The following PRDM9 variants were observed in gnomAD, a reference collection of about 807,000 sequenced individuals.
PRDM9 encodes the protein PR/SET domain 9.
Under a neutral mutation model 55.6 loss-of-function variants are expected in PRDM9, and 47 were observed. That is an observed-to-expected ratio of 0.85 (90% CI 0.67 to 1.08). The LOEUF (loss-of-function observed/expected upper bound fraction) is 1.08. Among genes scored for constraint, PRDM9 ranks in the 50% least tolerant of loss-of-function variants. The pLI, the probability that PRDM9 is intolerant of heterozygous loss-of-function variation, is 0.00. For synonymous variants in PRDM9, 312 were observed against 375.7 expected, an observed-to-expected ratio of 0.83 and a Z score of 1.96; for missense variants, 867 against 1,040.3, an observed-to-expected ratio of 0.83 and a Z score of 2.29.
intron 5 of PRDM9, among the ~76,000 whole-genome samples, chr5:23,519,930 A>C (rs920277674): frequency 3.3e-5 from 5 of 151,540 alleles, no homozygotes; most frequent in Non-Finnish European, 7.4e-5. Flanking sequence ...TGTAATCCCA[A>C]CTACTCAGGA....
rs1310243851 is a variant in PRDM9 at position 23,528,079 on chromosome 5, C to T, written c.*306C>T. ...CCTCCTGTTCTAATAAATTTTGTCT[C>T]CATACAAATCTGAACCCCAAGTGTG... On this transcript the variant is annotated 3_prime_UTR_variant, in exon 11 of 11. Transcript: ENST00000296682. 2.3e-5 allele frequency: 11 copies of T among 472,586 alleles called. No individual in the cohort carries two copies. The highest frequency in any genetic ancestry group is 4.2e-5 in the Non-Finnish European group (11 of 259,368). The allele number at this position is 472,586 out of a possible 1,614,324, so 29.3% of individuals were successfully genotyped here. A position where few individuals can be genotyped will look rare whatever the true frequency, so the allele number is the denominator to read the frequency against.
intron 4 of PRDM9, among the ~76,000 whole-genome samples, 153 bp from the exon 5 acceptor site, chr5:23,517,728 A>G (rs757617603): frequency 5.9e-5 from 9 of 152,194 alleles, no homozygotes; most frequent in Non-Finnish European, 1.2e-4. Context: ...GGGAGGTTGC[A>G]GTGAGTGGAG....
At chr5:23,514,639 C>T (rs1045524962) in intron 4 of PRDM9, among the ~76,000 whole-genome samples, 1 of 152,046 alleles carries the variant, frequency 6.6e-6, no homozygotes, top group Non-Finnish European at 1.5e-5. Flanking sequence ...GGGGTTTTAC[C>T]ATGTTGACCA....
intron 5 of PRDM9, among the ~76,000 whole-genome samples, chr5:23,520,318 T>C (rs762484675): frequency 1.4e-5 from 2 of 140,736 alleles, no homozygotes; most frequent in African/African-American, 2.7e-5. Flanking sequence ...TGAGCTGATA[T>C]CGTGCCACTG....
chr5:23,517,747 A>T, intron 4 of PRDM9, 134 bp from the exon 5 acceptor site: 1 of 840,968 alleles, frequency 1.2e-6, no homozygotes, highest in South Asian at 1.4e-5. Context: ...AGATTGAGCC[A>T]CTGCACTCCA....
intron 4 of PRDM9, among the ~76,000 whole-genome samples, chr5:23,513,338 G>A (rs1739137821): frequency 6.6e-6 from 1 of 152,186 alleles, no homozygotes; most frequent in African/African-American, 2.4e-5. Context: ...GGTGAATTAG[G>A]TAATGATAGC....
intron 2 of PRDM9, 34 bp from the exon 3 acceptor site, chr5:23,509,436 G>A: frequency 6.2e-7 from 1 of 1,614,068 alleles, no homozygotes; most frequent in Non-Finnish European, 8.5e-7. Flanking sequence ...ATGTGTACTA[G>A]TAAATCACTG....
At chr5:23,512,112 G>T (rs766584134) in intron 4 of PRDM9, among the ~76,000 whole-genome samples, 1 of 151,810 alleles carries the variant, frequency 6.6e-6, no homozygotes, top group Non-Finnish European at 1.5e-5. Context: ...TTTCTTAGAA[G>T]AAGAAATAAT....
Position 23,526,689 on chromosome 5 carries a change from G to T in PRDM9, c.1601G>T (p.Ser534Ile), listed in dbSNP as rs760449660. 8 of 1,614,268 alleles carry T rather than the reference G, an allele frequency of 5.0e-6. No homozygotes were observed. Among genetic ancestry groups the T allele is most frequent in the Non-Finnish European group, 6.8e-6 (8 of 1,180,054 alleles). The change falls in exon 11 of 11, where the codon AGT (serine) becomes ATT (isoleucine). Residue 534 changes from serine to isoleucine, a missense_variant. Around this residue, in one of 5 missense-constraint regions of PRDM9, gnomAD observed 662 missense variants for 711.9 expected, o/e 0.93. Transcript: ENST00000296682. ...TATGGAGAGTGTGGACAAGGTTTCAGTGTTAAATCAGATGTTATTACACAC... is the reference window on the plus strand; with the variant it reads ...TATGGAGAGTGTGGACAAGGTTTCATTGTTAAATCAGATGTTATTACACAC... ...VKYGECGQGF[S>I]VKSDVITHQR... is the part of the protein sequence containing the mutation.
chr5:23,520,089 G>T lies in PRDM9; in HGVS notation c.352-934G>T, dbSNP rs541048181. 2.7e-5 allele frequency among the ~76,000 whole-genome samples: 4 copies of T among 147,844 alleles called. 1 individual carries two copies. The East Asian group carries it at 8.2e-4, about 30-fold the overall frequency. ...GAATTAGCATGGTCTGATGGTCTGA[G>T]TGTGGGGGCTCATGCCTATAATCCC... On this transcript the variant is annotated intron_variant, in intron 5 of 10. Coordinates refer to ENST00000296682, the MANE Select transcript of PRDM9 (RefSeq NM_020227.4).
At chr5:23,523,620 G>T (rs187091090) in intron 9 of PRDM9, among the ~76,000 whole-genome samples, 2 of 152,198 alleles carry the variant, frequency 1.3e-5, no homozygotes, top group South Asian at 2.1e-4. Context: ...CTAGATTCAC[G>T]GGGGACTCTG....
chr5:23,511,414 C>T (rs1318777475), intron 4 of PRDM9, among the ~76,000 whole-genome samples: 2 of 152,030 alleles, frequency 1.3e-5, no homozygotes, highest in Non-Finnish European at 2.9e-5. Flanking sequence ...GGCACAATAT[C>T]AGCTCACTGC....
rs554907629 is a variant in PRDM9, at chr5:23,522,876, C to T, written c.873C>T (p.Tyr291=). The change falls in exon 8 of 11, where the codon TAC becomes TAT. Residue 291 remains tyrosine (Y), a synonymous_variant. Transcript: ENST00000296682. ...ACGAAGAGGCAGCCAACAATGGATA[C>T]TCCTGGCTGGTAAGAAGAGCCTGCC... ...TEDEEAANNG[Y]SWLITKGRNC... The T allele has an allele frequency of 7.4e-6, 12 of 1,614,142 alleles. No homozygotes were observed. The Admixed American group carries it at 1.7e-4, about 22-fold the overall frequency.
intron 8 of PRDM9, 144 bp from the exon 9 acceptor site, chr5:23,523,147 G>C (rs573202541): frequency 2.7e-6 from 3 of 1,114,506 alleles, no homozygotes; most frequent in Admixed American, 1.9e-5. Flanking sequence ...TGTGTAGATA[G>C]ATGATGACTA....
At chr5:23,516,186 G>A (rs927328645) in intron 4 of PRDM9, among the ~76,000 whole-genome samples, 5 of 151,968 alleles carry the variant, frequency 3.3e-5, no homozygotes, top group African/African-American at 4.8e-5. Context: ...AATTTCTGTC[G>A]GCACCGTTTT....
In PRDM9 at chr5:23,522,315, A is replaced by G; in HGVS notation, c.520A>G (p.Lys174Glu). Residue 174 changes from lysine (K) to glutamate (E), a missense_variant, in exon 7 of 11, where the codon AAG becomes GAG. This residue lies in a region of PRDM9 where 662 missense variants were observed against 711.9 expected (regional missense o/e 0.93). Transcript: ENST00000296682. ...CTTCTCCAACCTAGAACTCAGGAAG[A>G]AGGAGACTGAAAGAAAGATGTATAG... ...HSRLKLELRK[K>E]ETERKMYSLR... The G allele has an allele frequency of 2.5e-6, 4 of 1,613,702 alleles. No homozygotes were observed. Among genetic ancestry groups the G allele is most frequent in the Non-Finnish European group, 3.4e-6 (4 of 1,179,634 alleles).
chr5:23,524,256 C>T, intron 9 of PRDM9, 78 bp from the exon 10 acceptor site: 1 of 1,547,104 alleles, frequency 6.5e-7, no homozygotes, highest in South Asian at 1.1e-5. Context: ...CCTAGACCAG[C>T]AGGTGATGGG....
intron 4 of PRDM9, among the ~76,000 whole-genome samples, chr5:23,516,890 G>C (rs910068156): frequency 1.3e-5 from 2 of 148,908 alleles, no homozygotes; most frequent in Non-Finnish European, 3.0e-5. Flanking sequence ...TGTAATCCTA[G>C]CACTTTGGGA....
rs1739429303 is a variant in PRDM9, at chr5:23,526,370, G to C, written c.1282G>C (p.Glu428Gln). 3 of 1,614,042 alleles carry C rather than the reference G, an allele frequency of 1.9e-6. No homozygotes were observed. Among genetic ancestry groups the C allele is most frequent in the Non-Finnish European group, 2.5e-6 (3 of 1,180,052 alleles). The change falls in exon 11 of 11, where the codon GAG becomes CAG. Residue 428 changes from glutamate to glutamine, a missense_variant. Glu to Gln is a conservative substitution (Grantham distance 29, BLOSUM62 2). Coordinates refer to ENST00000296682, the MANE Select transcript of PRDM9 (RefSeq NM_020227.4). ...GPSARKLLQPENPCPGDQNQE... is the reference protein window; with the variant it reads ...GPSARKLLQPQNPCPGDQNQE... ...ATCTGCAAGAAAACTCCTCCAACCAGAGAATCCCTGCCCAGGGGATCAGAA... is the reference window on the plus strand; with the variant it reads ...ATCTGCAAGAAAACTCCTCCAACCACAGAATCCCTGCCCAGGGGATCAGAA...
Sources: gnomAD v4.1 joint callset for allele counts (sites outside exome capture counted in the v4.1 genomes callset) on GRCh38, gnomAD v4.1.1 for gene constraint, gnomAD v4.1.1 regional missense constraint, MANE v1.5 for transcripts, NCBI Gene and HGNC (gene_info 2026-07-23, HGNC 2026-07-21) for gene names.